Variants in BTNL8 observed in about 807,000 individuals in gnomAD.
BTNL8 encodes the protein butyrophilin like 8.
In BTNL8, 22 loss-of-function variants were observed where a neutral mutation model predicts 36.1. The observed-to-expected ratio is 0.61, with a 90% CI of 0.44 to 0.87. The LOEUF (loss-of-function observed/expected upper bound fraction) is 0.87. Among genes scored for constraint, BTNL8 ranks in the 40% least tolerant of loss-of-function variants. The probability of loss-of-function intolerance (pLI) is 0.00; values close to 1 mark genes in which losing one functional copy is unlikely to be tolerated. For missense variants in BTNL8, 526 were observed against 616.9 expected (o/e 0.85, Z 1.56); for synonymous variants, 203 against 235.6 (o/e 0.86, Z 1.27).
chr5:180,941,932 A>G lies in BTNL8; in HGVS notation c.674-5580A>G, dbSNP rs1028156175. Reference sequence around the variant, plus strand: ...CTACTCTTATTCAACAAAGTACTGGAAGTCCTAGCCGGAGCAATCAGGCAA... The same window carrying G: ...CTACTCTTATTCAACAAAGTACTGGGAGTCCTAGCCGGAGCAATCAGGCAA... On this transcript the variant is annotated intron_variant, in intron 3 of 7. Transcript: ENST00000340184. Among the ~76,000 whole-genome samples, 8 of 58,718 alleles carry G rather than the reference A, an allele frequency of 1.4e-4. No homozygotes were observed. The South Asian group carries it at 2.4e-3, about 18-fold the overall frequency. 38.5% of individuals were successfully genotyped at this position (58,718 alleles called of 152,430 possible).
In BTNL8 at chr5:180,947,634, G is replaced by C. The variant is rs764973233; in HGVS notation, c.787+9G>C. On this transcript the variant is annotated intron_variant, in intron 4 of 7. Transcript: ENST00000340184. ...CTTCTCCAAATTCCAGTGTAAGCGA[G>C]AGAGAGAAGCATGGGCCGGTGCCTT... 1.2e-6 allele frequency: 2 copies of C among 1,614,204 alleles called. No homozygotes were observed. Among genetic ancestry groups the C allele is most frequent in the Admixed American group, 3.3e-5 (2 of 60,024 alleles).
In BTNL8 at chr5:180,916,139, G is replaced by C. The variant is rs577495646; in HGVS notation, c.673+4525G>C. On this transcript the variant is annotated intron_variant, in intron 3 of 7. Transcript: ENST00000340184. ...GAGAGTAAGAAAGAGGAAGGAAGCT[G>C]CTTCTGCAAAAATGGCATTAATCCA... 9.8e-5 allele frequency among the ~76,000 whole-genome samples: 15 copies of C among 152,306 alleles called. No homozygotes were observed. The South Asian group carries it at 3.1e-3, about 32-fold the overall frequency.
At chr5:180,919,725 A>G (rs1207377876) in intron 3 of BTNL8, among the ~76,000 whole-genome samples, 1 of 152,174 alleles carries the variant, frequency 6.6e-6, no homozygotes, top group Non-Finnish European at 1.5e-5. Flanking sequence ...TCAACATATA[A>G]AATTAGTAGT....
At chr5:180,909,604 G>A (rs1582015184) in intron 2 of BTNL8, 1 of 984,316 alleles carries the variant, frequency 1.0e-6, no homozygotes, top group South Asian at 4.7e-5. Flanking sequence ...ACGGGGCTGG[G>A]TGCAGTGGCT....
At chr5:180,905,973 T>C (rs1343684213) in intron 1 of BTNL8, among the ~76,000 whole-genome samples, 1 of 138,586 alleles carries the variant, frequency 7.2e-6, no homozygotes, top group Non-Finnish European at 1.5e-5. Context: ...AGGTGTGGTG[T>C]GGTGCTGAAA....
At chr5:180,927,435 T>C (rs1253711908) in intron 3 of BTNL8, among the ~76,000 whole-genome samples, 4 of 152,182 alleles carry the variant, frequency 2.6e-5, no homozygotes, top group African/African-American at 9.7e-5. Context: ...TCCAAAGGAT[T>C]ACAACTCCTC....
chr5:180,908,609 G>A lies in BTNL8; in HGVS notation c.73G>A (p.Asp25Asn), dbSNP rs764166999. Residue 25 changes from aspartate (D) to asparagine (N), a missense_variant, in exon 2 of 8, where the codon GAC (aspartate) becomes AAC (asparagine). Coordinates refer to ENST00000340184, the MANE Select transcript of BTNL8 (RefSeq NM_001040462.3). ...GSGQWQVFGP[D>N]KPVQALVGED... ...AGGGCAGTGGCAGGTGTTTGGGCCA[G>A]ACAAGCCTGTCCAGGCCTTGGTGGG... The A allele has an allele frequency of 1.5e-5, 24 of 1,614,038 alleles. No individual in the cohort carries two copies. In the Middle Eastern group the frequency reaches 2.5e-3, roughly 166 times the overall value.
chr5:180,914,977 T>C (rs1403124498), intron 3 of BTNL8, among the ~76,000 whole-genome samples: 1 of 152,186 alleles, frequency 6.6e-6, no homozygotes. Context: ...AATGTCCAGA[T>C]TCCCCAGGCT....
intron 3 of BTNL8, among the ~76,000 whole-genome samples, chr5:180,913,789 C>T (rs979600286): frequency 1.3e-5 from 2 of 152,162 alleles, no homozygotes; most frequent in African/African-American, 4.8e-5. Flanking sequence ...GAAGCAGAGC[C>T]CTGCCATTCT....
intron 3 of BTNL8, among the ~76,000 whole-genome samples, chr5:180,928,954 A>G (rs969785463): frequency 5.3e-5 from 8 of 152,140 alleles, no homozygotes; most frequent in African/African-American, 1.7e-4. Context: ...CAGCTCTGGA[A>G]CAAGTGGACC....
In BTNL8 at chr5:180,930,758, G is replaced by A. The variant is rs187065987; in HGVS notation, c.674-16754G>A. Among the ~76,000 whole-genome samples the A allele has an allele frequency of 3.2e-3, 489 of 152,242 alleles. 4 individuals carry two copies. The highest frequency in any genetic ancestry group is 0.011 in the African/African-American group (473 of 41,540). On this transcript the variant is annotated intron_variant, in intron 3 of 7. Coordinates refer to ENST00000340184, the MANE Select transcript of BTNL8 (RefSeq NM_001040462.3). The stretch of plus-strand genomic sequence containing the variant: ...CCTAGGAATCTAACTTACAAAGGAC[G>A]TGAAGGACCTCTTCAAGGAGAACTA...
At chr5:180,901,183 C>T (rs1442368198) in intron 1 of BTNL8, among the ~76,000 whole-genome samples, 1 of 152,068 alleles carries the variant, frequency 6.6e-6, no homozygotes, top group East Asian at 1.9e-4. Context: ...TACATTTCAG[C>T]AAGATTTATA....
intron 3 of BTNL8, among the ~76,000 whole-genome samples, chr5:180,939,165 C>T (rs1275025390): frequency 3.9e-5 from 6 of 151,950 alleles, no homozygotes; most frequent in Admixed American, 3.3e-4. Flanking sequence ...AAAAAGTTAA[C>T]AAAATGACAG....
intron 2 of BTNL8, among the ~76,000 whole-genome samples, chr5:180,911,047 C>T (rs1308085867): frequency 6.6e-6 from 1 of 152,206 alleles, no homozygotes; most frequent in Non-Finnish European, 1.5e-5. Context: ...CTACGCCTGG[C>T]GGCTCAGCAC....
At chr5:180,947,648 G>A (rs766330247) in intron 4 of BTNL8, 23 bp downstream of exon 4, 14 of 1,614,022 alleles carry the variant, frequency 8.7e-6, no homozygotes, top group Non-Finnish European at 1.2e-5. Flanking sequence ...GAGAAGCATG[G>A]GCCGGTGCCT....
intron 3 of BTNL8, among the ~76,000 whole-genome samples, chr5:180,915,362 G>A (rs1757579977): frequency 6.6e-6 from 1 of 152,232 alleles, no homozygotes; most frequent in South Asian, 2.1e-4. Context: ...CAATCAGCTT[G>A]ACTCTGCTGG....
At position 180,947,612 on chromosome 5, in the gene BTNL8, C is replaced by T. The variant is rs779292643; in HGVS notation, c.774C>T (p.Phe258=). 1.9e-6 allele frequency: 3 copies of T among 1,614,076 alleles called. No homozygotes were observed. The highest frequency in any genetic ancestry group is 2.5e-6 in the Non-Finnish European group (3 of 1,180,040). The change falls in exon 4 of 8, where the codon TTC becomes TTT. Residue 258 remains phenylalanine, a synonymous_variant. Transcript: ENST00000340184. The part of the protein sequence containing the change: ...FFGIVGLKIF[F]SKFQWKIQAE... ...GCATTGTTGGACTGAAGATTTTCTT[C>T]TCCAAATTCCAGTGTAAGCGAGAGA...
intron 3 of BTNL8, among the ~76,000 whole-genome samples, chr5:180,925,628 G>T (rs1758058338): frequency 6.6e-6 from 1 of 152,100 alleles, no homozygotes; most frequent in African/African-American, 2.4e-5. Context: ...ATCATTATTA[G>T]ATCTATTTTA....
At chr5:180,928,031 G>T (rs998924476) in intron 3 of BTNL8, among the ~76,000 whole-genome samples, 2 of 151,816 alleles carry the variant, frequency 1.3e-5, no homozygotes, top group Non-Finnish European at 2.9e-5. Context: ...ACACATAATC[G>T]TCAGATTCAC....
Sources: gnomAD v4.1 joint callset for allele counts (sites outside exome capture counted in the v4.1 genomes callset) on GRCh38, gnomAD v4.1.1 for gene constraint, MANE v1.5 for transcripts, NCBI Gene and HGNC (gene_info 2026-07-23, HGNC 2026-07-21) for gene names.